Variants in DRC1 observed in about 807,000 individuals in gnomAD.
DRC1 encodes dynein regulatory complex subunit 1, also known as dynein regulatory complex protein 1.
Under a neutral mutation model 98.7 loss-of-function variants are expected in DRC1, and 74 were observed. That is an observed-to-expected ratio of 0.75 (90% CI 0.62 to 0.91). The LOEUF (loss-of-function observed/expected upper bound fraction) is 0.91. Among genes scored for constraint, DRC1 ranks in the 40% least tolerant of loss-of-function variants. The probability of loss-of-function intolerance (pLI) is 0.00; values close to 1 mark genes in which losing one functional copy is unlikely to be tolerated. For missense variants in DRC1, 875 were observed against 886.0 expected (o/e 0.99, Z 0.16); for synonymous variants, 336 against 334.1 (o/e 1.01, Z -0.06).
chr2:26,418,701 T>C (rs1396071694), intron 2 of DRC1, among the ~76,000 whole-genome samples: 1 of 90,846 alleles, frequency 1.1e-5, no homozygotes, highest in Non-Finnish European at 2.0e-5. Context: ...ATATAAATTA[T>C]ATTTAATTTA....
At chr2:26,455,069 G>C in intron 15 of DRC1, 62 bp from the exon 16 acceptor site, 5 of 1,572,866 alleles carry the variant, frequency 3.2e-6, no homozygotes, top group Non-Finnish European at 3.5e-6. Context: ...CCAAGACCCT[G>C]GCCCCTACTT....
intron 10 of DRC1, chr2:26,448,225 A>AG: frequency 2.1e-5 from 1 of 47,152 alleles, no homozygotes; most frequent in Non-Finnish European, 4.9e-5. Flanking sequence ...ACTCCATCTC[A>AG]AAAAAAAAAA....
chr2:26,453,758 CTCA>C (rs1664070866), intron 14 of DRC1, among the ~76,000 whole-genome samples: 1 of 152,198 alleles, frequency 6.6e-6, no homozygotes, highest in Non-Finnish European at 1.5e-5. Flanking sequence ...GCTTTTTTCA[CTCA>C]TCATTCATTC....
rs530737444 is a variant in DRC1, at chr2:26,422,335, G to T, written c.356+935G>T. On this transcript the variant is annotated intron_variant, in intron 3 of 16. Coordinates refer to ENST00000288710, the MANE Select transcript of DRC1 (RefSeq NM_145038.5). ...TGACCAGACCCACGAATACCTCAGT[G>T]TTATGTGTAAAGGTGGCAGCATTAT... 2.0e-5 allele frequency among the ~76,000 whole-genome samples: 3 copies of T among 152,306 alleles called. No homozygotes were observed. In the East Asian group the frequency reaches 5.8e-4, roughly 29 times the overall value.
At chr2:26,414,115 C>CATTATTATTATTATTATT (rs3067393) in intron 1 of DRC1, among the ~76,000 whole-genome samples, 2,666 of 144,446 alleles carry the variant, frequency 0.018, 40 homozygotes, top group Non-Finnish European at 0.023. Flanking sequence ...ACAATGGAAC[C>CATTATTATTATTATTATT]ATTATTATTA....
At chr2:26,442,809 A>G (rs1009431852) in intron 8 of DRC1, among the ~76,000 whole-genome samples, 5 of 152,110 alleles carry the variant, frequency 3.3e-5, no homozygotes, top group African/African-American at 9.7e-5. Context: ...TCCAGGCACT[A>G]AGAACTCTGG....
chr2:26,426,370 ATTTT>A (rs778327054), intron 4 of DRC1, among the ~76,000 whole-genome samples: 1 of 138,214 alleles, frequency 7.2e-6, no homozygotes. Flanking sequence ...GTTTTTGTTT[ATTTT>A]TTTTTTTTTT....
In DRC1 at chr2:26,454,590, C is replaced by G; in HGVS notation, c.1920-57C>G. ...GCAGTAGGCCTGTGACTGGCACTGC[C>G]TGGGGGCCTGGGTAGTACCCAATGG... On this transcript the variant is annotated intron_variant, in intron 14 of 16. Transcript: ENST00000288710. The surrounding 1 kb of genome is among the most constrained non-coding windows in gnomAD (Gnocchi z 5.2). 5 of 1,598,588 alleles carry G rather than the reference C, an allele frequency of 3.1e-6. No homozygotes were observed. The highest frequency in any genetic ancestry group is 4.3e-6 in the Non-Finnish European group (5 of 1,170,744).
rs1286587237 is a variant in DRC1 at position 26,453,360 on chromosome 2, T to C, written c.1730T>C (p.Met577Thr). The change falls in exon 14 of 17, where the codon ATG becomes ACG. Residue 577 changes from methionine to threonine, a missense_variant. Met to Thr is a moderately conservative substitution (Grantham distance 81). Coordinates refer to ENST00000288710, the MANE Select transcript of DRC1 (RefSeq NM_145038.5). ...CSQASMEKASMEETSTRSELE... is the reference protein window; with the variant it reads ...CSQASMEKASTEETSTRSELE... ...CAGGCGAGCATGGAGAAGGCGAGCA[T>C]GGAGGAGACAAGCACGAGGTCAGAA... The C allele has an allele frequency of 6.2e-7, 1 of 1,613,962 alleles. No individual in the cohort carries two copies. Among genetic ancestry groups the C allele is most frequent in the South Asian group, 1.1e-5 (1 of 91,074 alleles).
At chr2:26,436,040 T>C (rs1477870177) in intron 7 of DRC1, among the ~76,000 whole-genome samples, 1 of 152,214 alleles carries the variant, frequency 6.6e-6, no homozygotes, top group East Asian at 1.9e-4. Context: ...CCACACTGCT[T>C]TCTACAATGC....
At chr2:26,430,704 T>C (rs1453141294) in intron 5 of DRC1, 82 bp from the exon 6 acceptor site, 15 of 1,412,360 alleles carry the variant, frequency 1.1e-5, no homozygotes, top group Admixed American at 8.4e-5. Context: ...ATGGCACTTA[T>C]AGTTACCTGA....
chr2:26,403,274 A>G (rs909078099), intron 1 of DRC1, among the ~76,000 whole-genome samples: 1 of 152,186 alleles, frequency 6.6e-6, no homozygotes, highest in Non-Finnish European at 1.5e-5. Flanking sequence ...ACCTTGGCGC[A>G]TCGTTATCAC....
intron 1 of DRC1, among the ~76,000 whole-genome samples, chr2:26,405,157 G>A (rs1342762732): frequency 6.6e-6 from 1 of 152,180 alleles, no homozygotes. Flanking sequence ...ATCTTTACCA[G>A]CGTGCACCCT....
chr2:26,412,693 A>G (rs1018964026), intron 1 of DRC1, among the ~76,000 whole-genome samples: 6 of 152,186 alleles, frequency 3.9e-5, no homozygotes, highest in African/African-American at 1.4e-4. Flanking sequence ...CAGTAATTTA[A>G]TTCCTGTTCT....
In DRC1 at chr2:26,444,800, CT is replaced by C; in HGVS notation, c.1251del (p.Phe417LeufsTer24). 1 of 1,614,186 alleles carries C rather than the reference CT, an allele frequency of 6.2e-7. No homozygotes were observed. ...EEAKDLIARA[F>X]DVDRIIHTHH... ...AGGCGAAGGACCTAATAGCCAGAGC[CT>C]TTGATGTGGACAGGATCATCCACAC... On this transcript the variant is annotated frameshift_variant, in exon 10 of 17. Transcript: ENST00000288710. LOFTEE classifies it high-confidence loss of function.
At chr2:26,408,504 TG>T (rs1678493715) in intron 1 of DRC1, among the ~76,000 whole-genome samples, 1 of 152,166 alleles carries the variant, frequency 6.6e-6, no homozygotes, top group Non-Finnish European at 1.5e-5. Context: ...CTGGGCACAG[TG>T]GCTCATGCCT....
intron 4 of DRC1, among the ~76,000 whole-genome samples, chr2:26,428,832 A>G (rs2147990152): frequency 6.6e-6 from 1 of 152,210 alleles, no homozygotes; most frequent in East Asian, 1.9e-4. Flanking sequence ...ATCCTATGGG[A>G]CCACTGTCGT....
In DRC1 at chr2:26,429,706, A is replaced by G; in HGVS notation, c.619A>G (p.Met207Val). ...TGACATCTGCCTGCTTCTGGAGCGG[A>G]TGGAAGAACAGGTGAAGAATGTGAT... Reference protein sequence around the residue: ...SDDICLLLERMEEQVKNVMKT... With the variant: ...SDDICLLLERVEEQVKNVMKT... Residue 207 changes from methionine to valine, a missense_variant, in exon 5 of 17, where the codon ATG becomes GTG. Transcript: ENST00000288710. 6.2e-7 allele frequency: 1 copy of G among 1,614,160 alleles called. No homozygotes were observed. The highest frequency in any genetic ancestry group is 8.5e-7 in the Non-Finnish European group (1 of 1,180,012).
chr2:26,431,302 T>A (rs540519829), intron 6 of DRC1, among the ~76,000 whole-genome samples: 1 of 152,344 alleles, frequency 6.6e-6, no homozygotes, highest in Non-Finnish European at 1.5e-5. Context: ...GCTACTGCGT[T>A]CATTACTGCA....
Sources: gnomAD v4.1 joint callset for allele counts (sites outside exome capture counted in the v4.1 genomes callset) on GRCh38, gnomAD v4.1.1 for gene constraint, Gnocchi (gnomAD v3.1) non-coding constraint, MANE v1.5 for transcripts, NCBI Gene and HGNC (gene_info 2026-07-23, HGNC 2026-07-21) for gene names.